The following HYCC2 variants were observed in gnomAD, a reference collection of about 807,000 sequenced individuals.
HYCC2 encodes the protein hyccin 2.
the HYCC2 span, among the ~76,000 whole-genome samples, chr2:200,993,827 A>T: frequency 6.7e-6 from 1 of 148,304 alleles, no homozygotes; most frequent in East Asian, 1.9e-4. Context: ...TAAAAATACA[A>T]AAAAAAAAAA....
the HYCC2 span, among the ~76,000 whole-genome samples, chr2:200,989,738 C>T: frequency 3.9e-5 from 6 of 152,050 alleles, no homozygotes; most frequent in East Asian, 1.9e-4. Flanking sequence ...CACTTGAGCC[C>T]GGAAGGTGGA....
the HYCC2 span, among the ~76,000 whole-genome samples, chr2:200,986,671 C>T: frequency 6.6e-6 from 1 of 152,104 alleles, no homozygotes; most frequent in Admixed American, 6.6e-5. Context: ...TAGAATAATA[C>T]ATTTTAATTC....
At chr2:201,040,040 G>C in the HYCC2 span, among the ~76,000 whole-genome samples, 1 of 152,090 alleles carries the variant, frequency 6.6e-6, no homozygotes, top group East Asian at 1.9e-4. Flanking sequence ...CAGGCGTGGT[G>C]GTGGATGCCT....
the HYCC2 span, among the ~76,000 whole-genome samples, chr2:201,040,813 G>T: frequency 1.3e-5 from 2 of 152,230 alleles, no homozygotes; most frequent in Admixed American, 6.5e-5. Flanking sequence ...TCAATCTGTT[G>T]CAGAAAAACC....
At chr2:201,065,429 G>C in the HYCC2 span, among the ~76,000 whole-genome samples, 1 of 152,210 alleles carries the variant, frequency 6.6e-6, no homozygotes, top group African/African-American at 2.4e-5. Flanking sequence ...ATGAATGTAA[G>C]TTTCAGTTTC....
At chr2:201,063,632 TC>T in the HYCC2 span, 1 of 1,578,500 alleles carries the variant, frequency 6.3e-7, no homozygotes, top group African/African-American at 1.3e-5. Flanking sequence ...AAAAGCCCTG[TC>T]AAAGCAAGAG....
the HYCC2 span, among the ~76,000 whole-genome samples, chr2:200,983,335 G>A: frequency 6.6e-6 from 1 of 152,116 alleles, no homozygotes; most frequent in Admixed American, 6.6e-5. Context: ...AAATATTAGA[G>A]ATATAGGTTA....
At chr2:201,052,375 C>A in the HYCC2 span, 6 of 152,456 alleles carry the variant, frequency 3.9e-5, no homozygotes, top group South Asian at 2.0e-4. Flanking sequence ...GAGGCCAAGG[C>A]AGGAGGACTG....
chr2:200,974,135 C>A, the HYCC2 span: 1 of 151,714 alleles, frequency 6.6e-6, no homozygotes, highest in East Asian at 1.9e-4. Flanking sequence ...ATATGCCTAT[C>A]CTATTTAAAT....
chr2:201,024,027 T>TCC, the HYCC2 span: 2 of 1,601,120 alleles, frequency 1.2e-6, no homozygotes, highest in South Asian at 2.2e-5. Flanking sequence ...TACCTTCTAC[T>TCC]CCTCTTTTAT....
chr2:201,059,479 C>T, the HYCC2 span, among the ~76,000 whole-genome samples: 2 of 152,110 alleles, frequency 1.3e-5, no homozygotes, highest in Admixed American at 6.5e-5. Flanking sequence ...GGCAGATACC[C>T]AACCAAAGAG....
chr2:201,047,718 G>C, the HYCC2 span, among the ~76,000 whole-genome samples: 1 of 150,604 alleles, frequency 6.6e-6, no homozygotes, highest in African/African-American at 2.4e-5. Context: ...AAAAAAAAAA[G>C]AGTTGCTCTT....
chr2:200,991,768 C>G, the HYCC2 span, among the ~76,000 whole-genome samples: 1 of 151,052 alleles, frequency 6.6e-6, no homozygotes, highest in South Asian at 2.1e-4. Flanking sequence ...TTTAAAAAAA[C>G]TGATGGAATA....
At chr2:201,042,747 C>T in the HYCC2 span, among the ~76,000 whole-genome samples, 1 of 150,756 alleles carries the variant, frequency 6.6e-6, no homozygotes, top group Admixed American at 6.6e-5. Context: ...AGGTGGGGGG[C>T]AGCCCCCGCC....
chr2:201,033,041 T>C, the HYCC2 span, among the ~76,000 whole-genome samples: 1 of 151,986 alleles, frequency 6.6e-6, no homozygotes, highest in Non-Finnish European at 1.5e-5. Context: ...TTTAAATGTA[T>C]ATTACTACTT....
At chr2:201,011,908 T>G in the HYCC2 span, among the ~76,000 whole-genome samples, 4 of 152,310 alleles carry the variant, frequency 2.6e-5, no homozygotes, top group African/African-American at 7.2e-5. Flanking sequence ...ACACATTAAT[T>G]TAATACAGAA....
the HYCC2 span, chr2:201,022,742 GAAAGA>G: frequency 1.7e-4 from 139 of 797,340 alleles, no homozygotes; most frequent in Non-Finnish European, 2.5e-4. Context: ...GATCCACAAG[GAAAGA>G]AAATTATAAA....
chr2:200,996,310 A>G, the HYCC2 span: 1 of 151,808 alleles, frequency 6.6e-6, no homozygotes, highest in African/African-American at 2.4e-5. Context: ...TGGGCCACTG[A>G]CCCTGGCCTA....
chr2:201,042,246 G>C, the HYCC2 span, among the ~76,000 whole-genome samples: 94 of 152,298 alleles, frequency 6.2e-4, no homozygotes, highest in African/African-American at 2.2e-3. Flanking sequence ...ACGGAGTCTC[G>C]CTCACTCAAT....
Sources: gnomAD v4.1 joint callset for allele counts (sites outside exome capture counted in the v4.1 genomes callset) on GRCh38, gnomAD v4.1.1 for gene constraint, MANE v1.5 for transcripts, NCBI Gene and HGNC (gene_info 2026-07-23, HGNC 2026-07-21) for gene names.